The following ERCC6L2 variants were observed in gnomAD, a reference collection of about 807,000 sequenced individuals.
ERCC6L2 encodes DNA excision repair protein ERCC-6-like 2.
In ERCC6L2, 77 loss-of-function variants were observed where a neutral mutation model predicts 132.0. That is an observed-to-expected ratio of 0.58 (90% confidence interval 0.49 to 0.71). The LOEUF (loss-of-function observed/expected upper bound fraction) is 0.71. Among genes scored for constraint, ERCC6L2 ranks in the 30% least tolerant of loss-of-function variants. ERCC6L2 has a pLI of 0.00. For synonymous variants in ERCC6L2, 583 were observed against 632.4 expected, an observed-to-expected ratio of 0.92 and a Z score of 1.17; for missense variants, 1,542 against 1,837.6, an observed-to-expected ratio of 0.84 and a Z score of 2.94.
chr9:95,981,108 C>G (rs1401072607), intron 17 of ERCC6L2, among the ~76,000 whole-genome samples: 1 of 152,084 alleles, frequency 6.6e-6, no homozygotes, highest in African/African-American at 2.4e-5. Context: ...CCACAGTGTA[C>G]CAGTATTTCA....
chr9:95,939,495 T>C (rs1830703037), intron 11 of ERCC6L2, among the ~76,000 whole-genome samples: 1 of 152,214 alleles, frequency 6.6e-6, no homozygotes, highest in Non-Finnish European at 1.5e-5. Flanking sequence ...ATCCATGGTT[T>C]CTGATGTTTC....
At chr9:96,038,890 T>C (rs1341416203) in exon 20 of ERCC6L2, 4 of 456,126 alleles carry the variant, frequency 8.8e-6, no homozygotes, top group Non-Finnish European at 1.8e-5. Flanking sequence ...CAAAGCTCCT[T>C]CTCAAACTTG....
chr9:95,932,829 A>C (rs1046457794), intron 11 of ERCC6L2, among the ~76,000 whole-genome samples: 3 of 152,204 alleles, frequency 2.0e-5, no homozygotes, highest in Non-Finnish European at 4.4e-5. Flanking sequence ...CTGCATACTC[A>C]TTAAGTGTCT....
At chr9:95,891,483 C>T (rs1241080127) in intron 2 of ERCC6L2, among the ~76,000 whole-genome samples, 1 of 152,076 alleles carries the variant, frequency 6.6e-6, no homozygotes, top group Non-Finnish European at 1.5e-5. Flanking sequence ...TGGGTTGTTT[C>T]CACTTTTAGT....
rs140102387 is a variant in ERCC6L2 at position 95,880,570 on chromosome 9, A to C, written c.47-299A>C. On this transcript the variant is annotated intron_variant, in intron 1 of 18. Coordinates refer to ENST00000653738, the MANE Select transcript of ERCC6L2 (RefSeq NM_020207.7). ...GATGCCCGTGACCCCTATCCACTGA[A>C]TAAGAATCACTAGAGGTGGTGTCTA... Among the ~76,000 whole-genome samples the C allele has an allele frequency of 2.7e-3, 412 of 152,322 alleles. 1 individual carries two copies. Among genetic ancestry groups the C allele is most frequent in the African/African-American group, 9.5e-3 (395 of 41,576 alleles).
chr9:95,914,034 T>C (rs1027060617), intron 4 of ERCC6L2, among the ~76,000 whole-genome samples: 24 of 152,246 alleles, frequency 1.6e-4, no homozygotes, highest in African/African-American at 4.1e-4. Flanking sequence ...TGTGAGGTCT[T>C]ATGCTAAGTA....
Position 95,921,175 on chromosome 9 carries a change from A to G in ERCC6L2, c.1159A>G (p.Met387Val). The G allele has an allele frequency of 6.2e-7, 1 of 1,604,878 alleles. No individual in the cohort carries two copies. The highest frequency in any genetic ancestry group is 8.5e-7 in the Non-Finnish European group (1 of 1,176,552). The change falls in exon 7 of 19, where the codon ATG becomes GTG. Residue 387 changes from methionine (M) to valine (V), a missense_variant and splice_region_variant. Met to Val is a conservative substitution (Grantham distance 21, BLOSUM62 1). Coordinates refer to ENST00000653738, the MANE Select transcript of ERCC6L2 (RefSeq NM_020207.7). ...KDQLPKKEDRMVYCSLTDFQK... is the reference protein window; with the variant it reads ...KDQLPKKEDRVVYCSLTDFQK... ...ACTACCTTGTATTTTATCTTGGCAGATGGTGTATTGTTCTTTGACAGATTT... is the reference window on the plus strand; with the variant it reads ...ACTACCTTGTATTTTATCTTGGCAGGTGGTGTATTGTTCTTTGACAGATTT...
intron 2 of ERCC6L2, among the ~76,000 whole-genome samples, chr9:95,882,930 A>G (rs1827671507): frequency 6.6e-6 from 1 of 152,220 alleles, no homozygotes; most frequent in African/African-American, 2.4e-5. Flanking sequence ...GCAAGAATAA[A>G]GAAAGGAGCC....
intron 6 of ERCC6L2, 114 bp from the exon 7 acceptor site, chr9:95,921,061 C>A: frequency 9.9e-7 from 1 of 1,006,076 alleles, no homozygotes; most frequent in Non-Finnish European, 1.4e-6. Context: ...AGGCGTGAGC[C>A]TCTGCGCCCG....
At chr9:95,967,325 TA>T (rs1237651794) in intron 14 of ERCC6L2, 1 of 152,220 alleles carries the variant, frequency 6.6e-6, no homozygotes, top group Non-Finnish European at 1.5e-5. Flanking sequence ...ATAGGTATCA[TA>T]AAATCCTGGA....
intron 4 of ERCC6L2, among the ~76,000 whole-genome samples, chr9:95,907,856 C>CACACAAACACACACACACACACA (rs869053572): frequency 1.4e-5 from 2 of 145,830 alleles, no homozygotes; most frequent in African/African-American, 2.6e-5. Context: ...CACACACACA[C>CACACAAACACACACACACACACA]CCCCACACCC....
intron 8 of ERCC6L2, 49 bp from the exon 9 acceptor site, chr9:95,923,211 T>A: frequency 6.3e-7 from 1 of 1,594,570 alleles, no homozygotes; most frequent in South Asian, 1.1e-5. Flanking sequence ...TTATACAGGT[T>A]TGAATGTGTT....
chr9:95,929,109 T>C (rs767831972), intron 11 of ERCC6L2: 18 of 281,028 alleles, frequency 6.4e-5, no homozygotes, highest in Non-Finnish European at 8.6e-5. Context: ...AAATTGATAC[T>C]TCCTCCTATG....
chr9:95,916,699 T>C (rs1399402783), intron 6 of ERCC6L2, among the ~76,000 whole-genome samples: 1 of 151,462 alleles, frequency 6.6e-6, no homozygotes, highest in Admixed American at 6.6e-5. Context: ...TTTTTTTTTT[T>C]TGAGACAGAG....
Position 96,013,160 on chromosome 9 carries a change from G to T in ERCC6L2, c.4610G>T (p.Ser1537Ile). 1 of 1,366,608 alleles carries T rather than the reference G, an allele frequency of 7.3e-7. No individual in the cohort carries two copies. 84.7% of individuals were successfully genotyped at this position (1,366,608 alleles called of 1,614,324 possible). ...TTTTTATGGAAGAAATTTAGCCCAA[G>T]TGATACAGATGAAAACGCAACCAAT... ...EKFLWKKFSP[S>I]DTDENATNTQ... The change falls in exon 19 of 19, where the codon AGT becomes ATT. Residue 1537 changes from serine (S) to isoleucine (I), a missense_variant. Transcript: ENST00000653738.
chr9:95,984,354 G>A (rs1833013658), intron 17 of ERCC6L2, among the ~76,000 whole-genome samples: 2 of 150,528 alleles, frequency 1.3e-5, no homozygotes, highest in Non-Finnish European at 3.0e-5. Context: ...ATACATGTGT[G>A]AACTACATAG....
chr9:95,922,202 A>T lies in ERCC6L2; in HGVS notation c.1300-103A>T, dbSNP rs893513395. ...ATTTTCTTGGAATTTATTGTGCCAA[A>T]GTAACCCGATAATAAATGTTATTGT... On this transcript the variant is annotated intron_variant, in intron 7 of 18. Transcript: ENST00000653738. The T allele has an allele frequency of 1.1e-5, 6 of 546,846 alleles. No homozygotes were observed. The African/African-American group carries it at 1.2e-4, about 11-fold the overall frequency. The allele number at this position is 546,846 out of a possible 1,614,324, so 33.9% of individuals were successfully genotyped here.
chr9:95,987,850 G>A (rs531079111), intron 17 of ERCC6L2, among the ~76,000 whole-genome samples: 8 of 152,320 alleles, frequency 5.3e-5, no homozygotes, highest in African/African-American at 1.4e-4. Context: ...TGCAGCAAAC[G>A]TCTGCCTGGA....
At chr9:95,886,911 C>T (rs1487447910) in intron 2 of ERCC6L2, among the ~76,000 whole-genome samples, 1 of 152,316 alleles carries the variant, frequency 6.6e-6, no homozygotes, top group African/African-American at 2.4e-5. Flanking sequence ...CTGGCCTAGC[C>T]TCCCAGCCTG....
Sources: gnomAD v4.1 joint callset for allele counts (sites outside exome capture counted in the v4.1 genomes callset) on GRCh38, gnomAD v4.1.1 for gene constraint, MANE v1.5 for transcripts, NCBI Gene and HGNC (gene_info 2026-07-23, HGNC 2026-07-21) for gene names.